Variants in EDEM1 observed in about 807,000 individuals in gnomAD.
EDEM1 encodes ER degradation enhancing alpha-mannosidase like protein 1.
EDEM1 carries 67 observed loss-of-function variants against 74.4 expected under a neutral mutation model. That is an observed-to-expected ratio of 0.90 (90% CI 0.74 to 1.10). The LOEUF (loss-of-function observed/expected upper bound fraction) is 1.10. Ranked by LOEUF, EDEM1 falls within the 50% of genes least tolerant of loss-of-function variation. EDEM1 has a pLI of 0.00. For missense variants in EDEM1, 926 were observed against 851.6 expected, an observed-to-expected ratio of 1.09 and a Z score of -1.09; for synonymous variants, 382 against 335.9, an observed-to-expected ratio of 1.14 and a Z score of -1.50.
chr3:5,207,068 A>G lies in EDEM1; in HGVS notation c.1218-85A>G, dbSNP rs904960867. ...AAAAATTAATGTTAATTCCGTTTAA[A>G]TGAAACTACCAGCAGCTGCTGGAGA... On this transcript the variant is annotated intron_variant, in intron 6 of 11. Transcript: ENST00000256497. 8 of 1,554,702 alleles carry G rather than the reference A, an allele frequency of 5.1e-6. No individual in the cohort carries two copies. The African/African-American group carries it at 5.5e-5, about 11-fold the overall frequency.
At chr3:5,209,876 G>C (rs985217922) in intron 8 of EDEM1, among the ~76,000 whole-genome samples, 1 of 152,190 alleles carries the variant, frequency 6.6e-6, no homozygotes, top group African/African-American at 2.4e-5. Context: ...TGCTGTCAGC[G>C]TGGGCATTGT....
At position 5,207,014 on chromosome 3, in the gene EDEM1, T is replaced by G. The variant is rs142816952; in HGVS notation, c.1218-139T>G. 1.2e-3 allele frequency: 1,375 copies of G among 1,139,606 alleles called. 11 individuals carry two copies. The African/African-American group carries it at 0.019, about 16-fold the overall frequency. 70.6% of individuals were successfully genotyped at this position (1,139,606 alleles called of 1,614,324 possible). ...TGTAGATAATTAAAGGCAGTCTGTC[T>G]GCAGAGGTTTAAGGAATGAGTTAGG... On this transcript the variant is annotated intron_variant, in intron 6 of 11. Transcript: ENST00000256497.
Position 5,211,130 on chromosome 3 carries a change from G to A in EDEM1, c.1594G>A (p.Ala532Thr), listed in dbSNP as rs1427262025. The change falls in exon 10 of 12, where the codon GCC (alanine) becomes ACC (threonine). Residue 532 changes from alanine to threonine, a missense_variant. Coordinates refer to ENST00000256497, the MANE Select transcript of EDEM1 (RefSeq NM_014674.3). The part of the protein sequence containing the change: ...EKYTKVKCGY[A>T]TLHHVIDKST... ...ATGATTGTTTTGTAGGTGTGGGTAC[G>A]CCACGCTGCATCACGTCATTGACAA... 8 of 1,613,962 alleles carry A rather than the reference G, an allele frequency of 5.0e-6. No individual in the cohort carries two copies. The highest frequency in any genetic ancestry group is 6.8e-6 in the Non-Finnish European group (8 of 1,180,004).
Position 5,216,564 on chromosome 3 carries a change from A to G in EDEM1, c.*646A>G, listed in dbSNP as rs2055239821. 1 of 152,374 alleles carries G rather than the reference A, an allele frequency of 6.6e-6. No homozygotes were observed. 9.4% of individuals were successfully genotyped at this position (152,374 alleles called of 1,614,324 possible). A position where few individuals can be genotyped will look rare whatever the true frequency, so the allele number is the denominator to read the frequency against. On this transcript the variant is annotated 3_prime_UTR_variant, in exon 12 of 12. Transcript: ENST00000256497. The stretch of plus-strand genomic sequence containing the variant: ...TAGATAATTGGGGTCTTCCCCTGAT[A>G]TCCAACCGTGATTTTGGATCACATG...
At position 5,188,271 on chromosome 3, in the gene EDEM1, A is replaced by C. The variant is rs1308369982; in HGVS notation, c.466A>C (p.Asn156His). ...MAHAFPQDELNPIHCRGRGPD... is the reference protein window; with the variant it reads ...MAHAFPQDELHPIHCRGRGPD... ...TCACGCCTTCCCCCAGGACGAGCTC[A>C]ACCCCATCCACTGCCGCGGCCGTGG... The change falls in exon 1 of 12, where the codon AAC (asparagine) becomes CAC (histidine). Residue 156 changes from asparagine to histidine, a missense_variant. Physicochemically the swap from Asn to His is moderately conservative, Grantham distance 68. Coordinates refer to ENST00000256497, the MANE Select transcript of EDEM1 (RefSeq NM_014674.3). The C allele has an allele frequency of 6.4e-7, 1 of 1,557,950 alleles. No individual in the cohort carries two copies. Among genetic ancestry groups the C allele is most frequent in the Non-Finnish European group, 8.7e-7 (1 of 1,153,342 alleles).
In EDEM1 at chr3:5,203,169, C is replaced by A; in HGVS notation, c.1042+20C>A. On this transcript the variant is annotated intron_variant, in intron 5 of 11. Transcript: ENST00000256497. Reference sequence around the variant, plus strand: ...TACTAGGTGTGGCACCTTTCCTCGCCATTGGGACTGCACACTGCTTGGTCC... The same window carrying A: ...TACTAGGTGTGGCACCTTTCCTCGCAATTGGGACTGCACACTGCTTGGTCC... The A allele has an allele frequency of 6.5e-7, 1 of 1,538,728 alleles. No individual in the cohort carries two copies. The highest frequency in any genetic ancestry group is 1.3e-5 in the South Asian group (1 of 78,560).
At chr3:5,198,424 T>G (rs557867447) in intron 2 of EDEM1, among the ~76,000 whole-genome samples, 1 of 152,258 alleles carries the variant, frequency 6.6e-6, no homozygotes, top group African/African-American at 2.4e-5. Flanking sequence ...CACTTATGCC[T>G]TTGTCTGGCT....
intron 4 of EDEM1, among the ~76,000 whole-genome samples, chr3:5,202,220 A>G (rs1277345337): frequency 6.6e-6 from 1 of 152,186 alleles, no homozygotes; most frequent in Non-Finnish European, 1.5e-5. Context: ...TGTGTGATTT[A>G]TATTCTCTGC....
At position 5,209,246 on chromosome 3, in the gene EDEM1, T is replaced by C. The variant is rs908622581; in HGVS notation, c.1510-929T>C. Among the ~76,000 whole-genome samples, 4 of 152,218 alleles carry C rather than the reference T, an allele frequency of 2.6e-5. No homozygotes were observed. In the East Asian group the frequency reaches 5.8e-4, roughly 22 times the overall value. ...GCCTAAAAAGGGACTTCATGAGTTT[T>C]AGGTAACCTCTCAAAAAAGGGAAAA... On this transcript the variant is annotated intron_variant, in intron 8 of 11. Coordinates refer to ENST00000256497, the MANE Select transcript of EDEM1 (RefSeq NM_014674.3).
chr3:5,188,191 A>T lies in EDEM1; in HGVS notation c.386A>T (p.Gln129Leu). The change falls in exon 1 of 12, where the codon CAG (glutamine) becomes CTG (leucine). Residue 129 changes from glutamine (Q) to leucine (L), a missense_variant. By Grantham distance (113) the Gln-to-Leu change is moderately radical. Coordinates refer to ENST00000256497, the MANE Select transcript of EDEM1 (RefSeq NM_014674.3). Reference protein sequence around the residue: ...SGAFPPQLRAQMRDLARGMFV... With the variant: ...SGAFPPQLRALMRDLARGMFV... ...GCCTTCCCTCCGCAGCTGCGTGCCC[A>T]GATGCGCGACCTGGCACGGGGCATG... The T allele has an allele frequency of 6.3e-7, 1 of 1,575,206 alleles. No homozygotes were observed. Among genetic ancestry groups the T allele is most frequent in the Non-Finnish European group, 8.6e-7 (1 of 1,162,622 alleles).
rs201219399 is a variant in EDEM1 at position 5,192,920 on chromosome 3, A to ATTTT, written c.510-2275_510-2272dup. Among the ~76,000 whole-genome samples, 172 of 144,012 alleles carry ATTTT rather than the reference A, an allele frequency of 1.2e-3. 1 individual carries two copies. Among genetic ancestry groups the ATTTT allele is most frequent in the African/African-American group, 4.3e-3 (168 of 39,174 alleles). The allele number at this position is 144,012 out of a possible 152,430, so 94.5% of individuals were successfully genotyped here. ...AGAAACCCCACAGTTACTGCAAGTAATTTTTTTTTTTTTTTTTACTGTGGC... is the reference window on the plus strand; with the variant it reads ...AGAAACCCCACAGTTACTGCAAGTAATTTTTTTTTTTTTTTTTTTTTACTGTGGC... On this transcript the variant is annotated intron_variant, in intron 1 of 11. Transcript: ENST00000256497.
intron 1 of EDEM1, 182 bp downstream of exon 1, chr3:5,188,496 G>A: frequency 1.6e-6 from 1 of 610,466 alleles, no homozygotes. Context: ...TGAGGGTGCG[G>A]GGTGGGCCGG....
intron 10 of EDEM1, 39 bp downstream of exon 10, chr3:5,211,255 T>C: frequency 6.3e-7 from 1 of 1,584,626 alleles, no homozygotes. Flanking sequence ...ATATTTAGTA[T>C]TGCTTAGAGC....
In EDEM1 at chr3:5,188,980, A is replaced by G. The variant is rs115618439; in HGVS notation, c.509+666A>G. ...TCACTGGATGCCAGATTGACTGTCA[A>G]CGTCATCGCCCTGTACGATCTGTCT... On this transcript the variant is annotated intron_variant, in intron 1 of 11. Coordinates refer to ENST00000256497, the MANE Select transcript of EDEM1 (RefSeq NM_014674.3). Among the ~76,000 whole-genome samples the G allele has an allele frequency of 3.4e-3, 524 of 152,208 alleles. 5 individuals carry two copies. The highest frequency in any genetic ancestry group is 0.012 in the African/African-American group (503 of 41,514).
chr3:5,190,480 C>T (rs2054888296), intron 1 of EDEM1, among the ~76,000 whole-genome samples: 1 of 152,156 alleles, frequency 6.6e-6, no homozygotes, highest in Non-Finnish European at 1.5e-5. Context: ...GAATCCCTTC[C>T]CAGCAAAGTG....
At chr3:5,205,398 C>T (rs376944771) in intron 6 of EDEM1, among the ~76,000 whole-genome samples, 157 bp downstream of exon 6, 4 of 152,196 alleles carry the variant, frequency 2.6e-5, no homozygotes, top group South Asian at 4.1e-4. Context: ...GGGCAAAGAG[C>T]TGTGTTATCT....
intron 2 of EDEM1, 112 bp from the exon 3 acceptor site, chr3:5,199,480 A>G (rs1251121146): frequency 7.2e-6 from 5 of 695,456 alleles, no homozygotes; most frequent in South Asian, 3.9e-5. Flanking sequence ...TTCTACTCCT[A>G]TGGTAGCAAA....
chr3:5,204,214 C>T (rs1296894302), intron 5 of EDEM1, among the ~76,000 whole-genome samples: 2 of 152,042 alleles, frequency 1.3e-5, no homozygotes, highest in Non-Finnish European at 2.9e-5. Flanking sequence ...TTCAGCCTGG[C>T]CTGTGTAACT....
In EDEM1 at chr3:5,218,237, A is replaced by C. The variant is rs548655998; in HGVS notation, c.*2319A>C. ...ACTGAGGGTGAGTGAGTTAGTACAT[A>C]TTAATCCTGGTTGTTGAGCTTCCAG... is the stretch of plus-strand genomic sequence containing the variant. On this transcript the variant is annotated 3_prime_UTR_variant, in exon 12 of 12. Coordinates refer to ENST00000256497, the MANE Select transcript of EDEM1 (RefSeq NM_014674.3). 4 of 152,262 alleles carry C rather than the reference A, an allele frequency of 2.6e-5. No individual in the cohort carries two copies. The highest frequency in any genetic ancestry group is 9.6e-5 in the African/African-American group (4 of 41,548). The allele number at this position is 152,262 out of a possible 1,614,324, so 9.4% of individuals were successfully genotyped here.
Sources: gnomAD v4.1 joint callset for allele counts (sites outside exome capture counted in the v4.1 genomes callset) on GRCh38, gnomAD v4.1.1 for gene constraint, MANE v1.5 for transcripts, NCBI Gene and HGNC (gene_info 2026-07-23, HGNC 2026-07-21) for gene names.